BTBD8: variants seen among roughly 807,000 people sequenced by gnomAD.
BTBD8 encodes the protein BTB/POZ domain-containing protein 8.
Under a neutral mutation model 162.9 loss-of-function variants are expected in BTBD8, and 110 were observed. That is an observed-to-expected ratio of 0.68 (90% CI 0.58 to 0.79). The LOEUF (loss-of-function observed/expected upper bound fraction) is 0.79. Among genes scored for constraint, BTBD8 ranks in the 30% least tolerant of loss-of-function variants. The pLI, the probability that BTBD8 is intolerant of heterozygous loss-of-function variation, is 0.00. For missense variants in BTBD8, 1,905 were observed against 2,085.4 expected (o/e 0.91, Z 1.68); for synonymous variants, 667 against 716.1 (o/e 0.93, Z 1.10).
intron 9 of BTBD8, among the ~76,000 whole-genome samples, chr1:92,162,011 C>G (rs1441965933): frequency 6.7e-6 from 1 of 148,502 alleles, no homozygotes; most frequent in African/African-American, 2.5e-5. Flanking sequence ...CTTTTGTTTT[C>G]TAGTGCTGAT....
chr1:92,170,968 A>G (rs1198637000), intron 12 of BTBD8, among the ~76,000 whole-genome samples: 1 of 151,824 alleles, frequency 6.6e-6, no homozygotes, highest in East Asian at 1.9e-4. Context: ...TTTTAATTTC[A>G]AGAGTATTTT....
rs144781060 is a variant in BTBD8 at position 92,133,763 on chromosome 1, G to A, written c.752+3987G>A. ...AGGCGGGCGGATCACAAGGTCAGGAGATCGAGACCATCCTGGCTAACACGG... is the reference window on the plus strand; with the variant it reads ...AGGCGGGCGGATCACAAGGTCAGGAAATCGAGACCATCCTGGCTAACACGG... On this transcript the variant is annotated intron_variant, in intron 5 of 17. Transcript: ENST00000636805. Among the ~76,000 whole-genome samples, 1,374 of 152,280 alleles carry A rather than the reference G, an allele frequency of 9.0e-3. 18 individuals carry two copies. The highest frequency in any genetic ancestry group is 0.031 in the African/African-American group (1,292 of 41,560).
intron 1 of BTBD8, among the ~76,000 whole-genome samples, chr1:92,088,099 A>T (rs986595467): frequency 1.3e-5 from 2 of 152,194 alleles, no homozygotes; most frequent in African/African-American, 4.8e-5. Flanking sequence ...AGATTAGAGC[A>T]TAATTCTATT....
intron 5 of BTBD8, 95 bp from the exon 6 acceptor site, chr1:92,139,255 A>G: frequency 7.6e-7 from 1 of 1,316,652 alleles, no homozygotes; most frequent in Non-Finnish European, 1.0e-6. Flanking sequence ...GAAGATTAGA[A>G]CATCATCTTG....
intron 2 of BTBD8, among the ~76,000 whole-genome samples, chr1:92,094,097 A>G (rs1021664770): frequency 3.3e-5 from 5 of 151,654 alleles, no homozygotes; most frequent in African/African-American, 1.2e-4. Context: ...TTTCAGCCTC[A>G]GTTTTCTCAT....
At position 92,181,815 on chromosome 1, in the gene BTBD8, G is replaced by A. The variant is rs1202204395; in HGVS notation, c.4132G>A (p.Val1378Ile). The change falls in exon 17 of 18, where the codon GTA becomes ATA. Residue 1378 changes from valine to isoleucine, a missense_variant. By Grantham distance (29) the Val-to-Ile change is conservative (BLOSUM62 3). Transcript: ENST00000636805. ...SVQFAQEIDQ[V>I]SSSADETEDE... The stretch of plus-strand genomic sequence containing the variant: ...CCAGTTTGCTCAGGAAATAGATCAG[G>A]TATCTTCTTCAGCAGATGAAACAGA... 1 of 1,551,188 alleles carries A rather than the reference G, an allele frequency of 6.4e-7. No individual in the cohort carries two copies. Among genetic ancestry groups the A allele is most frequent in the Non-Finnish European group, 8.7e-7 (1 of 1,146,916 alleles).
chr1:92,117,700 C>T (rs1257588581), intron 4 of BTBD8, among the ~76,000 whole-genome samples: 1 of 151,950 alleles, frequency 6.6e-6, no homozygotes, highest in Non-Finnish European at 1.5e-5. Flanking sequence ...TATTACTGCA[C>T]CTCACAAATT....
At chr1:92,180,181 G>T in intron 16 of BTBD8, 84 bp from the exon 17 acceptor site, 1 of 992,102 alleles carries the variant, frequency 1.0e-6, no homozygotes, top group South Asian at 2.0e-5. Context: ...TTTTTCTGAA[G>T]TAATTTTAAA....
rs147933278 is a variant in BTBD8, at chr1:92,121,759, A to C, written c.663-7928A>C. Among the ~76,000 whole-genome samples, 342 of 152,202 alleles carry C rather than the reference A, an allele frequency of 2.2e-3. 5 individuals carry two copies. The highest frequency in any genetic ancestry group is 7.3e-3 in the African/African-American group (304 of 41,524). On this transcript the variant is annotated intron_variant, in intron 4 of 17. Transcript: ENST00000636805. ...ATCCCTACCCCAGCCACAGGCAACAAATGATTTTCATGTGCTTATTTGCCA... is the reference window on the plus strand; with the variant it reads ...ATCCCTACCCCAGCCACAGGCAACACATGATTTTCATGTGCTTATTTGCCA...
At chr1:92,080,892 C>T (rs916673850) in intron 1 of BTBD8, among the ~76,000 whole-genome samples, 172 bp downstream of exon 1, 1 of 152,276 alleles carries the variant, frequency 6.6e-6, no homozygotes, top group Admixed American at 6.5e-5. Flanking sequence ...AGTGGCTTCG[C>T]TCGCCCTGAA....
At chr1:92,089,401 T>C (rs1274121606) in intron 2 of BTBD8, among the ~76,000 whole-genome samples, 1 of 152,230 alleles carries the variant, frequency 6.6e-6, no homozygotes, top group Non-Finnish European at 1.5e-5. Context: ...ATTGTTGGCA[T>C]GTGAAACTTT....
intron 7 of BTBD8, among the ~76,000 whole-genome samples, chr1:92,142,824 G>A (rs1159892115): frequency 6.6e-6 from 1 of 152,190 alleles, no homozygotes; most frequent in Non-Finnish European, 1.5e-5. Flanking sequence ...AAGGCCTCCA[G>A]TATCTGAATT....
chr1:92,109,688 A>T (rs761862139), intron 4 of BTBD8, among the ~76,000 whole-genome samples: 8 of 152,192 alleles, frequency 5.3e-5, no homozygotes, highest in African/African-American at 1.9e-4. Context: ...AGACTCAAAC[A>T]TCTTTCTGTT....
Position 92,160,949 on chromosome 1 carries a change from A to G in BTBD8, c.1123-6009A>G, listed in dbSNP as rs115349869. 5.4e-3 allele frequency among the ~76,000 whole-genome samples: 818 copies of G among 152,168 alleles called. 14 individuals are homozygous for G. The highest frequency in any genetic ancestry group is 0.024 in the Middle Eastern group (7 of 294). The stretch of plus-strand genomic sequence containing the variant: ...AAGACAGAAATCAGTCATCTAGGCA[A>G]CCCCTGGAAAAGTTGGGATGTTTGA... On this transcript the variant is annotated intron_variant, in intron 9 of 17. Transcript: ENST00000636805.
chr1:92,129,511 C>A lies in BTBD8; in HGVS notation c.663-176C>A, dbSNP rs1265004108. On this transcript the variant is annotated intron_variant, in intron 4 of 17. Coordinates refer to ENST00000636805, the MANE Select transcript of BTBD8 (RefSeq NM_001376131.1). ...TTAAAACAAAAAACAAAAAAAAAAC[C>A]CTTAGGTATAAATATAAGCTTATAA... Among the ~76,000 whole-genome samples, 8 of 151,658 alleles carry A rather than the reference C, an allele frequency of 5.3e-5. No individual in the cohort carries two copies. The East Asian group carries it at 1.4e-3, about 26-fold the overall frequency.
At position 92,176,817 on chromosome 1, in the gene BTBD8, T is replaced by G. The variant is rs1025920214; in HGVS notation, c.1636-12T>G. 42 of 1,245,554 alleles carry G rather than the reference T, an allele frequency of 3.4e-5. No individual in the cohort carries two copies. Among genetic ancestry groups the G allele is most frequent in the Non-Finnish European group, 4.4e-5 (41 of 935,596 alleles). The allele number at this position is 1,245,554 out of a possible 1,614,324, so 77.2% of individuals were successfully genotyped here. ...CAGTCAAATTACAAAGTATTTTTTTTCTTTTTTATAGCAAAGGAAACAAGT... is the reference window on the plus strand; with the variant it reads ...CAGTCAAATTACAAAGTATTTTTTTGCTTTTTTATAGCAAAGGAAACAAGT... On this transcript the variant is annotated splice_polypyrimidine_tract_variant and intron_variant, in intron 13 of 17. Transcript: ENST00000636805.
chr1:92,165,289 C>T (rs1320728285), intron 9 of BTBD8, among the ~76,000 whole-genome samples: 2 of 152,054 alleles, frequency 1.3e-5, no homozygotes, highest in African/African-American at 4.8e-5. Context: ...ATACTAGGCC[C>T]TGAGGATACA....
chr1:92,165,860 C>CTAG (rs1271500128), intron 9 of BTBD8, among the ~76,000 whole-genome samples: 1 of 152,076 alleles, frequency 6.6e-6, no homozygotes, highest in African/African-American at 2.4e-5. Flanking sequence ...AGTGAGAAGG[C>CTAG]TAGTAGTCTA....
rs1570754945 is a variant in BTBD8, at chr1:92,168,886, G to A, written c.1464G>A (p.Gln488=). The change falls in exon 12 of 18, where the codon CAG becomes CAA. Residue 488 remains glutamine, a synonymous_variant. Transcript: ENST00000636805. ...TKEMGFTCKI[Q]ALRDKLWIFL... ...CACAGGGTTTTACGTGCAAGATCCA[G>A]GCTCTGCGTGATAAGCTGTGGATCT... The A allele has an allele frequency of 6.5e-7, 1 of 1,537,236 alleles. No homozygotes were observed. Among genetic ancestry groups the A allele is most frequent in the Non-Finnish European group, 8.8e-7 (1 of 1,136,070 alleles).
Sources: gnomAD v4.1 joint callset for allele counts (sites outside exome capture counted in the v4.1 genomes callset) on GRCh38, gnomAD v4.1.1 for gene constraint, MANE v1.5 for transcripts, NCBI Gene and HGNC (gene_info 2026-07-23, HGNC 2026-07-21) for gene names.